Variants in NOS1 observed in about 807,000 individuals in gnomAD.
NOS1 encodes the protein NOS type I.
Under a neutral mutation model 164.5 loss-of-function variants are expected in NOS1, and 51 were observed. The ratio of observed to expected loss-of-function variants is 0.31; its 90% CI spans 0.25 to 0.39. The LOEUF (loss-of-function observed/expected upper bound fraction) is 0.39, where lower values mean the gene tolerates loss of function less well. NOS1 is among the 10% of genes least tolerant of loss of function. The pLI, the probability that NOS1 is intolerant of heterozygous loss-of-function variation, is 1.00. For missense variants in NOS1, 1,362 were observed against 1,885.6 expected (o/e 0.72, Z 5.14); for synonymous variants, 719 against 745.8 (o/e 0.96, Z 0.59).
At chr12:117,255,996 G>A in intron 16 of NOS1, 1 of 1,476,606 alleles carries the variant, frequency 6.8e-7, no homozygotes, top group Non-Finnish European at 8.9e-7. Flanking sequence ...ATTGGGGAGG[G>A]GAGGCCCTTT....
At position 117,272,296 on chromosome 12, in the gene NOS1, C is replaced by A. The variant is rs1872847404; in HGVS notation, c.1839+89G>T. 2.1e-6 allele frequency: 3 copies of A among 1,460,512 alleles called. No homozygotes were observed. Among genetic ancestry groups the A allele is most frequent in the Non-Finnish European group, 2.9e-6 (3 of 1,050,006 alleles). 90.5% of individuals were successfully genotyped at this position (1,460,512 alleles called of 1,614,324 possible). A position where few individuals can be genotyped will look rare whatever the true frequency, so the allele number is the denominator to read the frequency against. On this transcript the variant is annotated intron_variant, in intron 10 of 28. Transcript: ENST00000317775. The surrounding 1 kb of genome is among the most constrained non-coding windows in gnomAD (Gnocchi z 4.3). ...ATTCTAACCCCTTCAAGTTTCCAAGCCACCAAGCTCGCCGTGGGGAAGGGG... is the reference window on the plus strand; with the variant it reads ...ATTCTAACCCCTTCAAGTTTCCAAGACACCAAGCTCGCCGTGGGGAAGGGG...
At chr12:117,333,604 C>G (rs1363369087) in intron 1 of NOS1, among the ~76,000 whole-genome samples, 1 of 152,178 alleles carries the variant, frequency 6.6e-6, no homozygotes, top group African/African-American at 2.4e-5. Flanking sequence ...ACTCTGTCAG[C>G]CCCTCTGTGT....
chr12:117,306,091 C>T (rs1352320780), intron 3 of NOS1, among the ~76,000 whole-genome samples: 1 of 152,092 alleles, frequency 6.6e-6, no homozygotes, highest in Non-Finnish European at 1.5e-5. Context: ...CTTGCCTGGC[C>T]TGGCCCGTGG....
Position 117,215,113 on chromosome 12 carries a change from G to T in NOS1, c.*196C>A. 1 of 1,280,886 alleles carries T rather than the reference G, an allele frequency of 7.8e-7. No individual in the cohort carries two copies. Among genetic ancestry groups the T allele is most frequent in the Non-Finnish European group, 9.9e-7 (1 of 1,006,958 alleles). The allele number at this position is 1,280,886 out of a possible 1,614,324, so 79.3% of individuals were successfully genotyped here. A position where few individuals can be genotyped will look rare whatever the true frequency, so the allele number is the denominator to read the frequency against. On this transcript the variant is annotated 3_prime_UTR_variant, in exon 29 of 29. Transcript: ENST00000317775. ...CTGCAGATTAGAAAAGCATTGCATC[G>T]CAGCAGGAAAACTCAAGGAGTAAAC...
intron 10 of NOS1, among the ~76,000 whole-genome samples, chr12:117,271,151 C>A (rs1263694826): frequency 6.6e-6 from 1 of 152,162 alleles, no homozygotes; most frequent in East Asian, 1.9e-4. Flanking sequence ...CCAGGGCCCA[C>A]CCCAGACCTA....
intron 2 of NOS1, among the ~76,000 whole-genome samples, chr12:117,314,280 C>T (rs995919224): frequency 1.3e-5 from 2 of 152,190 alleles, no homozygotes; most frequent in African/African-American, 2.4e-5. Flanking sequence ...CCTACATGAT[C>T]GTAAACAGAA....
chr12:117,222,176 C>G (rs988466417), intron 26 of NOS1, among the ~76,000 whole-genome samples: 1 of 152,170 alleles, frequency 6.6e-6, no homozygotes, highest in African/African-American at 2.4e-5. Context: ...CACTAATCTA[C>G]TCTGTCTCTA....
rs551615879 is a variant in NOS1, at chr12:117,305,391, G to A, written c.852+6075C>T. 4.6e-5 allele frequency among the ~76,000 whole-genome samples: 7 copies of A among 151,968 alleles called. No homozygotes were observed. The East Asian group carries it at 1.4e-3, about 29-fold the overall frequency. On this transcript the variant is annotated intron_variant, in intron 3 of 28. Coordinates refer to ENST00000317775, the MANE Select transcript of NOS1 (RefSeq NM_000620.5). ...AGGCAGAAGAATGGCGTGAACCTGG[G>A]AGGCGGAGCTTGCAGTGAGCGGAGA...
chr12:117,337,552 A>G (rs1875895337), intron 1 of NOS1, among the ~76,000 whole-genome samples: 2 of 152,164 alleles, frequency 1.3e-5, no homozygotes, highest in Admixed American at 1.3e-4. Context: ...GGATCTCCTC[A>G]AGAACCTACT....
rs1876844973 is a variant in NOS1, at chr12:117,356,188, T to C, written c.-421+5324A>G. Among the ~76,000 whole-genome samples the C allele has an allele frequency of 6.6e-6, 1 of 152,226 alleles. No individual in the cohort carries two copies. The highest frequency in any genetic ancestry group is 1.5e-5 in the Non-Finnish European group (1 of 68,036). On this transcript the variant is annotated intron_variant, in intron 1 of 28. Coordinates refer to ENST00000317775, the MANE Select transcript of NOS1 (RefSeq NM_000620.5). This position sits in a 1 kb window ranked among gnomAD's most constrained non-coding sequence, Gnocchi z 4.2. ...CCTGTAGTACTTATAATCTCTGCTG[T>C]ATGAATGACATGCTGGAGAGTCAGA...
rs1399208300 is a variant in NOS1 at position 117,263,994 on chromosome 12, G to C, written c.2137-20C>G. Reference sequence around the variant, plus strand: ...ATCAGGCTGGGAAGAGAAGGAGAGGGCTATGGTCACTCACTGCAGTGAGGG... The same window carrying C: ...ATCAGGCTGGGAAGAGAAGGAGAGGCCTATGGTCACTCACTGCAGTGAGGG... On this transcript the variant is annotated intron_variant, in intron 12 of 28. Coordinates refer to ENST00000317775, the MANE Select transcript of NOS1 (RefSeq NM_000620.5). 3.1e-6 allele frequency: 5 copies of C among 1,603,576 alleles called. No homozygotes were observed. The highest frequency in any genetic ancestry group is 4.3e-6 in the Non-Finnish European group (5 of 1,170,708).
At chr12:117,313,845 T>G (rs567204404) in intron 2 of NOS1, among the ~76,000 whole-genome samples, 1 of 152,358 alleles carries the variant, frequency 6.6e-6, no homozygotes, top group South Asian at 2.1e-4. Context: ...AATTTGACTC[T>G]GACCATGGCC....
Position 117,272,477 on chromosome 12 carries a change from C to A in NOS1, c.1747G>T (p.Glu583Ter). The A allele has an allele frequency of 6.2e-7, 1 of 1,614,174 alleles. No individual in the cohort carries two copies. The highest frequency in any genetic ancestry group is 8.5e-7 in the Non-Finnish European group (1 of 1,180,034). ...SNMLLEIGGL[E>*]FSACPFSGWY... ...CCACTGAAGGGACAGGCGCTGAACT[C>A]CAGGCCGCCAATCTCTAGGAGCATG... The change falls in exon 10 of 29, where the codon GAG (glutamate) becomes TAG (stop). Residue 583 changes from glutamate to a stop codon, truncating the protein, a stop_gained. Coordinates refer to ENST00000317775, the MANE Select transcript of NOS1 (RefSeq NM_000620.5). LOFTEE classifies it high-confidence loss of function. The surrounding 1 kb of genome is among the most constrained non-coding windows in gnomAD (Gnocchi z 4.3).
intron 11 of NOS1, among the ~76,000 whole-genome samples, chr12:117,266,544 CT>C (rs1169084932): frequency 5.4e-4 from 76 of 139,504 alleles, no homozygotes; most frequent in Admixed American, 7.9e-4. Context: ...TTTTTCTTTT[CT>C]TTTTTTTTTT....
chr12:117,337,840 A>C (rs560103625), intron 1 of NOS1, among the ~76,000 whole-genome samples: 4 of 152,292 alleles, frequency 2.6e-5, no homozygotes, highest in African/African-American at 9.6e-5. Flanking sequence ...GCACATTGGG[A>C]GGCTGAGGCA....
Position 117,251,142 on chromosome 12 carries a change from G to A in NOS1, c.2648+2496C>T, listed in dbSNP as rs149004447. On this transcript the variant is annotated intron_variant, in intron 17 of 28. Transcript: ENST00000317775. Reference sequence around the variant, plus strand: ...GATCAGAGTTCTTCCCTTCTGCCATGTAAGGACACAGCTGGAAGGCACCGT... The same window carrying A: ...GATCAGAGTTCTTCCCTTCTGCCATATAAGGACACAGCTGGAAGGCACCGT... 2.2e-3 allele frequency among the ~76,000 whole-genome samples: 329 copies of A among 152,278 alleles called. 2 individuals carry two copies. The highest frequency in any genetic ancestry group is 3.4e-3 in the Non-Finnish European group (231 of 68,020).
At position 117,341,867 on chromosome 12, in the gene NOS1, AGAG is replaced by A. The variant is rs146920203; in HGVS notation, c.-420-10381_-420-10379del. 9.0e-3 allele frequency among the ~76,000 whole-genome samples: 1,367 copies of A among 152,362 alleles called. 20 individuals carry two copies. Among genetic ancestry groups the A allele is most frequent in the African/African-American group, 0.031 (1,292 of 41,584 alleles). ...GGGATAATTTAAATGGAAGTGCATT[AGAG>A]GGGATAATTCATCTATAGCATGTGG... On this transcript the variant is annotated intron_variant, in intron 1 of 28. Coordinates refer to ENST00000317775, the MANE Select transcript of NOS1 (RefSeq NM_000620.5).
chr12:117,271,005 T>C (rs1168876368), intron 10 of NOS1, among the ~76,000 whole-genome samples: 2 of 152,084 alleles, frequency 1.3e-5, no homozygotes, highest in African/African-American at 2.4e-5. Context: ...ATCGCACCAC[T>C]GCATTCAAGC....
chr12:117,234,896 C>T lies in NOS1; in HGVS notation c.3042-138G>A. The T allele has an allele frequency of 1.9e-6, 1 of 538,260 alleles. No individual in the cohort carries two copies. The highest frequency in any genetic ancestry group is 3.1e-6 in the Non-Finnish European group (1 of 317,744). 33.3% of individuals were successfully genotyped at this position (538,260 alleles called of 1,614,324 possible). A position where few individuals can be genotyped will look rare whatever the true frequency, so the allele number is the denominator to read the frequency against. ...GGGCCCGTGCTAACCAAGCCTATGC[C>T]CCCATCATTCTATTATTATTATTAT... On this transcript the variant is annotated intron_variant, in intron 20 of 28. Coordinates refer to ENST00000317775, the MANE Select transcript of NOS1 (RefSeq NM_000620.5). This position sits in a 1 kb window ranked among gnomAD's most constrained non-coding sequence, Gnocchi z 4.3.
Sources: gnomAD v4.1 joint callset for allele counts (sites outside exome capture counted in the v4.1 genomes callset) on GRCh38, gnomAD v4.1.1 for gene constraint, Gnocchi (gnomAD v3.1) non-coding constraint, MANE v1.5 for transcripts, NCBI Gene and HGNC (gene_info 2026-07-23, HGNC 2026-07-21) for gene names.